The following HIKESHI variants were observed in gnomAD, a reference collection of about 807,000 sequenced individuals.
The protein encoded by HIKESHI is protein Hikeshi.
Under a neutral mutation model 25.7 loss-of-function variants are expected in HIKESHI, and 13 were observed. That is an observed-to-expected ratio of 0.51 (90% CI 0.33 to 0.80). The LOEUF (loss-of-function observed/expected upper bound fraction) is 0.80, where lower values mean the gene tolerates loss of function less well. HIKESHI is among the 30% of genes least tolerant of loss of function. HIKESHI has a pLI of 0.02. For synonymous variants in HIKESHI, 76 were observed against 78.7 expected (o/e 0.97, Z 0.18); for missense variants, 174 against 229.5 (o/e 0.76, Z 1.56).
chr11:86,315,144 A>G (rs1272635263), intron 2 of HIKESHI, among the ~76,000 whole-genome samples: 1 of 152,222 alleles, frequency 6.6e-6, no homozygotes, highest in Non-Finnish European at 1.5e-5. Context: ...ATATAAATAG[A>G]TAATTCAGTA....
intron 2 of HIKESHI, among the ~76,000 whole-genome samples, chr11:86,324,832 A>G (rs1245861670): frequency 1.3e-5 from 2 of 152,112 alleles, no homozygotes; most frequent in Non-Finnish European, 2.9e-5. Flanking sequence ...GTCTAGCATA[A>G]TTTTATGGGA....
Position 86,319,114 on chromosome 11 carries a change from G to A in HIKESHI, c.268+12632G>A, listed in dbSNP as rs1232549048. Among the ~76,000 whole-genome samples the A allele has an allele frequency of 1.3e-4, 19 of 151,400 alleles. No individual in the cohort carries two copies. In the South Asian group the frequency reaches 3.7e-3, roughly 30 times the overall value. On this transcript the variant is annotated intron_variant, in intron 2 of 4. Transcript: ENST00000278483. ...TTTTGTAGAGATAGGGTCTTGCCATGTTGCCCAGGCTGGTCTCAAATTCCT... is the reference window on the plus strand; with the variant it reads ...TTTTGTAGAGATAGGGTCTTGCCATATTGCCCAGGCTGGTCTCAAATTCCT...
chr11:86,344,295 G>T, intron 3 of HIKESHI: 1 of 230,702 alleles, frequency 4.3e-6, no homozygotes, highest in African/African-American at 2.2e-5. Context: ...CAGTGTCATT[G>T]TATGTATGAT....
intron 3 of HIKESHI, among the ~76,000 whole-genome samples, chr11:86,342,839 AG>A (rs1178400854): frequency 6.6e-6 from 1 of 152,016 alleles, no homozygotes; most frequent in Non-Finnish European, 1.5e-5. Flanking sequence ...CAGTGGGGCA[AG>A]TTCCTCCTCA....
intron 2 of HIKESHI, among the ~76,000 whole-genome samples, chr11:86,319,240 A>ATTTTT (rs1273706275): frequency 0.074 from 6,770 of 91,960 alleles, 236 homozygotes; most frequent in South Asian, 0.099. Context: ...ATATATATAT[A>ATTTTT]TATTTTTTTT....
chr11:86,317,317 T>C (rs2138334696), intron 2 of HIKESHI, among the ~76,000 whole-genome samples: 1 of 150,978 alleles, frequency 6.6e-6, no homozygotes, highest in South Asian at 2.1e-4. Flanking sequence ...AGCAAGACTC[T>C]GTCTCAAAAA....
intron 2 of HIKESHI, among the ~76,000 whole-genome samples, chr11:86,312,753 G>A (rs1037729435): frequency 6.6e-6 from 1 of 152,136 alleles, no homozygotes; most frequent in African/African-American, 2.4e-5. Flanking sequence ...GGCAGGCCTG[G>A]TGGTGACAAA....
intron 2 of HIKESHI, among the ~76,000 whole-genome samples, chr11:86,319,669 A>G (rs1030934740): frequency 6.6e-6 from 1 of 152,178 alleles, no homozygotes; most frequent in Non-Finnish European, 1.5e-5. Context: ...ATCAACATCC[A>G]TGTAAGGTCC....
intron 2 of HIKESHI, among the ~76,000 whole-genome samples, chr11:86,328,868 C>G (rs976673497): frequency 2.6e-5 from 4 of 151,650 alleles, no homozygotes; most frequent in Non-Finnish European, 5.9e-5. Context: ...TGAGCCACTG[C>G]GCTCGGCCCC....
intron 2 of HIKESHI, among the ~76,000 whole-genome samples, chr11:86,335,925 A>T (rs1209888509): frequency 6.6e-6 from 1 of 152,256 alleles, no homozygotes; most frequent in Non-Finnish European, 1.5e-5. Context: ...TACAGAGGAA[A>T]CGAACAGAAA....
chr11:86,331,859 A>G (rs551005426), intron 2 of HIKESHI, among the ~76,000 whole-genome samples: 1 of 152,276 alleles, frequency 6.6e-6, no homozygotes, highest in East Asian at 1.9e-4. Flanking sequence ...TGTATATTCA[A>G]TACTAGGAAT....
At chr11:86,337,311 A>C (rs1221161247) in intron 2 of HIKESHI, 68 bp from the exon 3 acceptor site, 1 of 1,455,772 alleles carries the variant, frequency 6.9e-7, no homozygotes. Context: ...TTCTTTATAA[A>C]TTTACAAAGG....
At chr11:86,333,941 A>G (rs546313494) in intron 2 of HIKESHI, among the ~76,000 whole-genome samples, 3 of 149,536 alleles carry the variant, frequency 2.0e-5, no homozygotes, top group African/African-American at 4.9e-5. Context: ...TATTATGGCA[A>G]TGTAGATGCC....
At chr11:86,320,203 C>T (rs1947112994) in intron 2 of HIKESHI, among the ~76,000 whole-genome samples, 1 of 152,036 alleles carries the variant, frequency 6.6e-6, no homozygotes, top group Non-Finnish European at 1.5e-5. Flanking sequence ...ATTGATACAC[C>T]ATCAGAATCC....
At chr11:86,331,985 T>TC (rs1160069200) in intron 2 of HIKESHI, among the ~76,000 whole-genome samples, 3 of 149,354 alleles carry the variant, frequency 2.0e-5, no homozygotes, top group African/African-American at 4.9e-5. Context: ...TTCTTTTCTT[T>TC]TTTTTTTTTT....
At chr11:86,319,457 A>G (rs1019853168) in intron 2 of HIKESHI, among the ~76,000 whole-genome samples, 23 of 150,126 alleles carry the variant, frequency 1.5e-4, no homozygotes, top group Non-Finnish European at 3.0e-4. Flanking sequence ...GGGTTTTGCC[A>G]TGCTGCCCAG....
intron 2 of HIKESHI, among the ~76,000 whole-genome samples, chr11:86,317,676 C>T (rs1344534013): frequency 2.6e-5 from 4 of 151,610 alleles, no homozygotes; most frequent in African/African-American, 7.3e-5. Context: ...TGTGGTGGTG[C>T]GCGCCTGTTG....
intron 4 of HIKESHI, 97 bp from the exon 5 acceptor site, chr11:86,345,487 G>T: frequency 1.5e-6 from 1 of 683,978 alleles, no homozygotes; most frequent in Non-Finnish European, 2.5e-6. Context: ...TTTTAGAAAT[G>T]ACATGTAAAA....
chr11:86,308,738 G>T (rs1343877632), intron 2 of HIKESHI, among the ~76,000 whole-genome samples: 24 of 151,718 alleles, frequency 1.6e-4, no homozygotes, highest in Admixed American at 1.4e-3. Flanking sequence ...CCCCACAACA[G>T]GCCCCGGTGT....
Sources: allele counts gnomAD v4.1 joint callset (sites outside exome capture counted in the v4.1 genomes callset), GRCh38; gene constraint gnomAD v4.1.1; transcripts MANE v1.5; gene names NCBI Gene and HGNC (gene_info 2026-07-23, HGNC 2026-07-21).